TRAK1: variants seen among roughly 807,000 people sequenced by gnomAD.
TRAK1 encodes the protein trafficking kinesin protein 1, also known as trafficking kinesin-binding protein 1.
TRAK1 carries 33 observed loss-of-function variants against 92.1 expected under a neutral mutation model. The observed-to-expected ratio is 0.36, with a 90% CI of 0.27 to 0.48. TRAK1 has a LOEUF of 0.48. Among genes scored for constraint, TRAK1 ranks in the 20% least tolerant of loss-of-function variants. The pLI, the probability that TRAK1 is intolerant of heterozygous loss-of-function variation, is 0.99. For synonymous variants in TRAK1, 521 were observed against 517.3 expected (o/e 1.01, Z -0.10); for missense variants, 1,123 against 1,257.9 (o/e 0.89, Z 1.62).
intron 1 of TRAK1, among the ~76,000 whole-genome samples, chr3:42,043,618 G>A (rs182329658): frequency 0.031 from 4,514 of 144,706 alleles, 234 homozygotes; most frequent in African/African-American, 0.11. Flanking sequence ...ATGGAGCTGG[G>A]GGGGGGGCGG....
chr3:42,079,474 C>CTTTTTTTTTTT (rs374173062), intron 1 of TRAK1, among the ~76,000 whole-genome samples: 10 of 133,940 alleles, frequency 7.5e-5, no homozygotes, highest in African/African-American at 1.1e-4. Context: ...GAAGCTCCTT[C>CTTTTTTTTTTT]TTCTTTTTTT....
intron 1 of TRAK1, among the ~76,000 whole-genome samples, chr3:42,017,491 T>C (rs1446002401): frequency 6.6e-6 from 1 of 152,214 alleles, no homozygotes; most frequent in Non-Finnish European, 1.5e-5. Flanking sequence ...GCTTCTCACC[T>C]CCTTTTCCCC....
At chr3:42,125,749 G>T (rs1408259532) in intron 2 of TRAK1, 135 bp downstream of exon 2, 2 of 967,376 alleles carry the variant, frequency 2.1e-6, no homozygotes, top group East Asian at 5.1e-5. Context: ...AAAGAAATGC[G>T]GCTGTAGGGG....
intron 7 of TRAK1, 81 bp downstream of exon 7, chr3:42,191,717 T>A (rs1459185646): frequency 6.9e-7 from 1 of 1,444,308 alleles, no homozygotes; most frequent in African/African-American, 1.4e-5. Context: ...CTTGCTAAAG[T>A]GCAGTCTCCT....
At chr3:42,063,747 C>A (rs1206394866) in intron 1 of TRAK1, among the ~76,000 whole-genome samples, 1 of 151,850 alleles carries the variant, frequency 6.6e-6, no homozygotes, top group Non-Finnish European at 1.5e-5. Flanking sequence ...GCCGGGGCAG[C>A]CCAGCTGTGC....
Position 42,201,873 on chromosome 3 carries a change from CGG to C in TRAK1, c.1428-562_1428-561del, listed in dbSNP as rs1292099508. 4.3e-3 allele frequency among the ~76,000 whole-genome samples: 575 copies of C among 133,128 alleles called. 12 individuals are homozygous for C. Among genetic ancestry groups the C allele is most frequent in the African/African-American group, 0.016 (545 of 33,796 alleles). 87.3% of individuals were successfully genotyped at this position (133,128 alleles called of 152,430 possible). A position where few individuals can be genotyped will look rare whatever the true frequency, so the allele number is the denominator to read the frequency against. On this transcript the variant is annotated intron_variant, in intron 12 of 15. Transcript: ENST00000327628. ...GAACCTGGACGGACGGACGGACGGA[CGG>C]ACAGACGGACACACACACACACACA...
chr3:42,019,791 C>T (rs1281787910), intron 1 of TRAK1, among the ~76,000 whole-genome samples: 1 of 152,170 alleles, frequency 6.6e-6, no homozygotes, highest in Non-Finnish European at 1.5e-5. Context: ...AAAATGTCTC[C>T]TTATAATGTT....
chr3:42,042,560 G>C (rs1702589622), intron 1 of TRAK1, among the ~76,000 whole-genome samples: 1 of 151,754 alleles, frequency 6.6e-6, no homozygotes, highest in Non-Finnish European at 1.5e-5. Flanking sequence ...TTGTAGAGAT[G>C]GGGTTTTGCC....
At chr3:42,080,427 C>T (rs910914600) in intron 1 of TRAK1, among the ~76,000 whole-genome samples, 1 of 152,152 alleles carries the variant, frequency 6.6e-6, no homozygotes, top group Non-Finnish European at 1.5e-5. Context: ...TCTCACTCCT[C>T]TGCTAAGAAA....
In TRAK1 at chr3:42,141,642, C is replaced by T. The variant is rs147385959; in HGVS notation, c.286+16028C>T. 1.9e-3 allele frequency among the ~76,000 whole-genome samples: 283 copies of T among 152,272 alleles called. 1 individual carries two copies. Among genetic ancestry groups the T allele is most frequent in the African/African-American group, 6.4e-3 (266 of 41,556 alleles). Reference sequence around the variant, plus strand: ...ACTCTGAGGGAGAATCTGTTCCCTGCCCCTCTTGCAGTTTCTGGTGGCTGC... The same window carrying T: ...ACTCTGAGGGAGAATCTGTTCCCTGTCCCTCTTGCAGTTTCTGGTGGCTGC... On this transcript the variant is annotated intron_variant, in intron 2 of 15. Transcript: ENST00000327628.
At chr3:42,219,821 A>C (rs1393497867) in intron 15 of TRAK1, among the ~76,000 whole-genome samples, 1 of 79,642 alleles carries the variant, frequency 1.3e-5, no homozygotes, top group Non-Finnish European at 2.3e-5. Flanking sequence ...TTTGAGGCAG[A>C]GTTTTGCTCT....
At chr3:42,015,087 G>A (rs1701465675) in intron 1 of TRAK1, among the ~76,000 whole-genome samples, 1 of 152,176 alleles carries the variant, frequency 6.6e-6, no homozygotes, top group Admixed American at 6.5e-5. Context: ...CAGATTGAGT[G>A]AAGGGACAAC....
chr3:42,100,446 C>CT (rs1706586619), intron 1 of TRAK1, among the ~76,000 whole-genome samples: 3 of 152,328 alleles, frequency 2.0e-5, no homozygotes, highest in African/African-American at 4.8e-5. Flanking sequence ...CCCATCTCAT[C>CT]TTTTCTCCTG....
At chr3:42,030,692 ATATATATATATAT>A (rs1702102798) in intron 1 of TRAK1, among the ~76,000 whole-genome samples, 7 of 9,596 alleles carry the variant, frequency 7.3e-4, no homozygotes, top group African/African-American at 2.0e-3. Context: ...AAAAAAGAAT[ATATATATATATAT>A]ATATATATAT....
intron 2 of TRAK1, among the ~76,000 whole-genome samples, chr3:42,150,214 C>G (rs1281748712): frequency 6.6e-6 from 1 of 152,078 alleles, no homozygotes; most frequent in African/African-American, 2.4e-5. Flanking sequence ...GTCCTTCTGT[C>G]ACTACCTTGG....
At chr3:42,189,566 T>C (rs546252587) in intron 6 of TRAK1, among the ~76,000 whole-genome samples, 1 of 152,260 alleles carries the variant, frequency 6.6e-6, no homozygotes, top group South Asian at 2.1e-4. Flanking sequence ...GGAGTCTCGC[T>C]ATGTCACCCA....
rs1434313091 is a variant in TRAK1 at position 42,223,514 on chromosome 3, C to T, written c.2639C>T (p.Pro880Leu). The T allele has an allele frequency of 1.9e-6, 3 of 1,613,584 alleles. No individual in the cohort carries two copies. ...CCCCTCCTCTGTGGGCCCCCGGGGC[C>T]AGCACCAGCCCTTGTTCCCAGAGGC... ...QGPLLCGPPG[P>L]APALVPRGLV... The change falls in exon 16 of 16, where the codon CCA becomes CTA. Residue 880 changes from proline (P) to leucine (L), a missense_variant. Pro to Leu is a moderately conservative substitution (Grantham distance 98). Around this residue, in one of 3 missense-constraint regions of TRAK1, gnomAD observed 401 missense variants for 438.9 expected, o/e 0.91. Transcript: ENST00000327628. The surrounding 1 kb of genome is among the most constrained non-coding windows in gnomAD (Gnocchi z 6.1).
At chr3:42,115,855 G>A (rs1709093812) in intron 1 of TRAK1, among the ~76,000 whole-genome samples, 3 of 152,122 alleles carry the variant, frequency 2.0e-5, no homozygotes, top group Non-Finnish European at 4.4e-5. Flanking sequence ...GGGTGGAGTC[G>A]GAGGTCTTGC....
At chr3:42,094,193 A>G (rs1705555180) in intron 1 of TRAK1, among the ~76,000 whole-genome samples, 1 of 152,162 alleles carries the variant, frequency 6.6e-6, no homozygotes, top group South Asian at 2.1e-4. Flanking sequence ...AGTGACTGAG[A>G]GGATTCAGGG....
Sources: allele counts gnomAD v4.1 joint callset (sites outside exome capture counted in the v4.1 genomes callset), GRCh38; gene constraint gnomAD v4.1.1; regional missense constraint gnomAD v4.1.1; non-coding constraint Gnocchi (gnomAD v3.1); transcripts MANE v1.5; gene names NCBI Gene and HGNC (gene_info 2026-07-23, HGNC 2026-07-21).